The following ZFHX3 variants were observed in gnomAD, a reference collection of about 807,000 sequenced individuals.
ZFHX3 encodes zinc finger homeobox protein 3.
A neutral mutation model predicts 279.1 loss-of-function variants in ZFHX3; 42 were observed. The ratio of observed to expected loss-of-function variants is 0.15; its 90% CI spans 0.12 to 0.19. The LOEUF is 0.19. ZFHX3 is among the 10% of genes least tolerant of loss of function. ZFHX3 has a pLI of 1.00. For missense variants in ZFHX3, 4,981 were observed against 4,754.0 expected (o/e 1.05, Z -1.40); for synonymous variants, 2,293 against 1,957.8 (o/e 1.17, Z -4.52).
intron 1 of ZFHX3, among the ~76,000 whole-genome samples, chr16:73,025,521 C>A (rs1317615729): frequency 6.6e-6 from 1 of 152,196 alleles, no homozygotes; most frequent in Non-Finnish European, 1.5e-5. Context: ...ACACAGTAAT[C>A]CAGGGTCCTC....
chr16:73,804,033 T>C (rs1370693210), intron 1 of ZFHX3, among the ~76,000 whole-genome samples: 2 of 152,182 alleles, frequency 1.3e-5, no homozygotes, highest in Non-Finnish European at 2.9e-5. Flanking sequence ...GGCACACATC[T>C]GTAGCCCTAG....
chr16:73,213,298 C>T (rs1567419891), intron 5 of ZFHX3, among the ~76,000 whole-genome samples: 1 of 152,144 alleles, frequency 6.6e-6, no homozygotes, highest in East Asian at 1.9e-4. Context: ...GGGTCATGGG[C>T]TTTGTGTTTA....
intron 7 of ZFHX3, among the ~76,000 whole-genome samples, chr16:73,104,616 G>A (rs908813798): frequency 9.2e-5 from 14 of 152,142 alleles, no homozygotes; most frequent in Non-Finnish European, 1.3e-4. Context: ...GGGGGAGTAC[G>A]TACCACATGA....
intron 3 of ZFHX3, among the ~76,000 whole-genome samples, chr16:72,903,774 G>A (rs1181927312): frequency 1.3e-5 from 2 of 152,078 alleles, no homozygotes; most frequent in Admixed American, 6.5e-5. Context: ...AGAATAACTG[G>A]GTCTTTTGAA....
chr16:72,865,525 C>A (rs1298206511), intron 4 of ZFHX3, among the ~76,000 whole-genome samples: 1 of 152,208 alleles, frequency 6.6e-6, no homozygotes, highest in Non-Finnish European at 1.5e-5. Context: ...TGGATCTTGT[C>A]CCCACCCAAT....
At chr16:73,689,817 GT>G (rs1302264428) in intron 1 of ZFHX3, among the ~76,000 whole-genome samples, 1 of 141,228 alleles carries the variant, frequency 7.1e-6, no homozygotes, top group Non-Finnish European at 1.6e-5. Context: ...TTTGTTTTTT[GT>G]TTTTTTTGTT....
intron 1 of ZFHX3, among the ~76,000 whole-genome samples, chr16:73,030,733 G>A (rs538189873): frequency 2.6e-5 from 4 of 152,118 alleles, no homozygotes; most frequent in South Asian, 2.1e-4. Flanking sequence ...CAAGAGTTTC[G>A]TACCAATGTG....
intron 3 of ZFHX3, among the ~76,000 whole-genome samples, chr16:72,907,254 C>A (rs2039199401): frequency 6.6e-6 from 1 of 152,156 alleles, no homozygotes; most frequent in South Asian, 2.1e-4. Flanking sequence ...CAGCAGCAGC[C>A]AGTCTCAGGT....
At chr16:72,951,454 G>A (rs1304073610) in intron 2 of ZFHX3, among the ~76,000 whole-genome samples, 1 of 152,040 alleles carries the variant, frequency 6.6e-6, no homozygotes, top group African/African-American at 2.4e-5. Flanking sequence ...TAGAGACAGG[G>A]TTTCATCATG....
chr16:72,959,538 G>T lies in ZFHX3; in HGVS notation c.608C>A (p.Ser203Tyr). 6.2e-7 allele frequency: 1 copy of T among 1,614,262 alleles called. No individual in the cohort carries two copies. Among genetic ancestry groups the T allele is most frequent in the Non-Finnish European group, 8.5e-7 (1 of 1,180,048 alleles). The change falls in exon 2 of 10, where the codon TCC becomes TAC. Residue 203 changes from serine (S) to tyrosine (Y), a missense_variant. Transcript: ENST00000268489. ...TGGGCCCTCAAACCATTTCCCGAAG[G>T]ATGAGGCTATGTGGAAAGTGTTGAT... is the stretch of plus-strand genomic sequence containing the variant. ...QIINTFHIAS[S>Y]FGKWFEGPDQ...
intron 3 of ZFHX3, among the ~76,000 whole-genome samples, chr16:72,894,888 G>T (rs565783658): frequency 6.6e-6 from 1 of 152,184 alleles, no homozygotes; most frequent in Non-Finnish European, 1.5e-5. Flanking sequence ...GGGCAACCGG[G>T]TTCTGTTTTT....
intron 2 of ZFHX3, among the ~76,000 whole-genome samples, chr16:73,618,966 G>A (rs1597031010): frequency 6.6e-6 from 1 of 152,156 alleles, no homozygotes; most frequent in East Asian, 1.9e-4. Context: ...AATTTAGAGG[G>A]TACTTCTGGA....
intron 2 of ZFHX3, among the ~76,000 whole-genome samples, chr16:73,676,740 A>G (rs2052958539): frequency 6.6e-6 from 1 of 151,962 alleles, no homozygotes; most frequent in South Asian, 2.1e-4. Flanking sequence ...CCTAAGACAA[A>G]CAAGTACAGA....
intron 3 of ZFHX3, among the ~76,000 whole-genome samples, chr16:72,908,779 G>T (rs1185183324): frequency 6.6e-6 from 1 of 152,164 alleles, no homozygotes; most frequent in Non-Finnish European, 1.5e-5. Flanking sequence ...CTACTTCAAG[G>T]CATCATCATG....
chr16:73,738,375 C>A (rs1479475827), intron 1 of ZFHX3, among the ~76,000 whole-genome samples: 1 of 152,214 alleles, frequency 6.6e-6, no homozygotes, highest in Non-Finnish European at 1.5e-5. Context: ...ATCACTGCGA[C>A]TAAAATGAGC....
At chr16:73,157,387 G>A (rs959920309) in intron 5 of ZFHX3, among the ~76,000 whole-genome samples, 3 of 143,252 alleles carry the variant, frequency 2.1e-5, no homozygotes, top group African/African-American at 7.9e-5. Context: ...ATCAGACATC[G>A]GGCTTGCCAC....
intron 5 of ZFHX3, among the ~76,000 whole-genome samples, chr16:73,173,663 T>C (rs1352175813): frequency 6.6e-6 from 1 of 152,134 alleles, no homozygotes; most frequent in East Asian, 1.9e-4. Context: ...TCAGAGGCGG[T>C]CCCTGGAGAG....
At chr16:73,085,421 G>C (rs913566235) in intron 8 of ZFHX3, among the ~76,000 whole-genome samples, 1 of 152,116 alleles carries the variant, frequency 6.6e-6, no homozygotes, top group Admixed American at 6.5e-5. Flanking sequence ...ACCACGCCCA[G>C]CTAATTTAGA....
intron 3 of ZFHX3, among the ~76,000 whole-genome samples, chr16:73,366,180 G>C (rs913501939): frequency 2.0e-5 from 3 of 152,154 alleles, no homozygotes; most frequent in Non-Finnish European, 2.9e-5. Flanking sequence ...AATGATGTTG[G>C]CAAATCATTT....
Sources: allele counts gnomAD v4.1 joint callset (sites outside exome capture counted in the v4.1 genomes callset), GRCh38; gene constraint gnomAD v4.1.1; transcripts MANE v1.5; gene names NCBI Gene and HGNC (gene_info 2026-07-23, HGNC 2026-07-21).